UNC13C: variants seen among roughly 807,000 people sequenced by gnomAD.
UNC13C encodes unc-13 homolog C.
UNC13C carries 174 observed loss-of-function variants against 245.4 expected under a neutral mutation model. That is an observed-to-expected ratio of 0.71 (90% CI 0.63 to 0.80). UNC13C has a LOEUF of 0.80. Ranked by LOEUF, UNC13C falls within the 30% of genes least tolerant of loss-of-function variation. The probability of loss-of-function intolerance (pLI) is 0.00; values close to 1 mark genes in which losing one functional copy is unlikely to be tolerated. For missense variants in UNC13C, 2,829 were observed against 2,602.9 expected (o/e 1.09, Z -1.89); for synonymous variants, 992 against 895.1 (o/e 1.11, Z -1.93).
intron 8 of UNC13C, among the ~76,000 whole-genome samples, chr15:54,262,388 C>A (rs1293499839): frequency 6.6e-6 from 1 of 152,170 alleles, no homozygotes; most frequent in Non-Finnish European, 1.5e-5. Context: ...ACTTTTGAGT[C>A]ACTTTGTGTC....
chr15:54,441,801 TTTCTTC>T (rs1164288782), intron 19 of UNC13C, among the ~76,000 whole-genome samples: 1 of 152,118 alleles, frequency 6.6e-6, no homozygotes, highest in African/African-American at 2.4e-5. Flanking sequence ...TTTAACAATA[TTTCTTC>T]TTCTAATCCA....
At chr15:54,071,377 AG>A (rs1332202425) in intron 2 of UNC13C, among the ~76,000 whole-genome samples, 5 of 152,230 alleles carry the variant, frequency 3.3e-5, no homozygotes, top group African/African-American at 1.2e-4. Flanking sequence ...TAAAATCTGT[AG>A]AAGTAATGGG....
At chr15:54,508,624 A>C (rs537935187) in intron 23 of UNC13C, among the ~76,000 whole-genome samples, 16 of 152,172 alleles carry the variant, frequency 1.1e-4, no homozygotes, top group Non-Finnish European at 2.1e-4. Flanking sequence ...CCAGCCTTAT[A>C]CACTGTTGCT....
chr15:54,127,463 C>G (rs897503178), intron 2 of UNC13C, among the ~76,000 whole-genome samples: 2 of 151,794 alleles, frequency 1.3e-5, no homozygotes, highest in Non-Finnish European at 2.9e-5. Flanking sequence ...GAACAGAAAA[C>G]CAAACACCGC....
At chr15:53,839,427 T>C in the UNC13C span, among the ~76,000 whole-genome samples, 13 of 152,152 alleles carry the variant, frequency 8.5e-5, no homozygotes, top group Non-Finnish European at 1.6e-4. Context: ...GCATTTAAGA[T>C]AGTTTTAGAA....
chr15:54,355,959 C>CACCTTTTT lies in UNC13C; in HGVS notation c.4713+17471_4713+17478dup, dbSNP rs1301670523. Among the ~76,000 whole-genome samples the CACCTTTTT allele has an allele frequency of 2.0e-5, 3 of 152,102 alleles. No individual in the cohort carries two copies. The East Asian group carries it at 5.8e-4, about 29-fold the overall frequency. On this transcript the variant is annotated intron_variant, in intron 17 of 32. Coordinates refer to ENST00000260323, the MANE Select transcript of UNC13C (RefSeq NM_001080534.3). ...CACGTACACATACAGATATATGAAT[C>CACCTTTTT]ACCTTTTTTACACAAATAGTAGCAT... is the stretch of plus-strand genomic sequence containing the variant.
chr15:54,601,524 G>A (rs1899423957), intron 30 of UNC13C, among the ~76,000 whole-genome samples: 3 of 152,108 alleles, frequency 2.0e-5, no homozygotes. Context: ...TGGGCAAAGT[G>A]GTGTAGAAAT....
At chr15:54,623,208 C>T (rs780191945) in intron 31 of UNC13C, among the ~76,000 whole-genome samples, 23 of 151,550 alleles carry the variant, frequency 1.5e-4, no homozygotes, top group African/African-American at 3.6e-4. Context: ...TTTTTTATGA[C>T]GACTGAAATT....
chr15:53,960,667 A>C, the UNC13C span, among the ~76,000 whole-genome samples: 1 of 152,182 alleles, frequency 6.6e-6, no homozygotes, highest in African/African-American at 2.4e-5. Flanking sequence ...TAGATCCCAA[A>C]GTAGAGTGCT....
intron 2 of UNC13C, among the ~76,000 whole-genome samples, chr15:54,053,522 C>T (rs567273323): frequency 6.6e-6 from 1 of 152,212 alleles, no homozygotes; most frequent in African/African-American, 2.4e-5. Context: ...ATATTAGATA[C>T]ATATATTTAT....
At chr15:53,994,866 C>T (rs1173965699) in intron 1 of UNC13C, among the ~76,000 whole-genome samples, 1 of 151,804 alleles carries the variant, frequency 6.6e-6, no homozygotes, top group Non-Finnish European at 1.5e-5. Context: ...CAAGGGAACA[C>T]TGATGAGGGC....
At chr15:54,088,568 G>C (rs1038502976) in intron 2 of UNC13C, among the ~76,000 whole-genome samples, 1 of 152,142 alleles carries the variant, frequency 6.6e-6, no homozygotes. Flanking sequence ...TGAAATCAGA[G>C]GTTGATTACA....
chr15:54,276,295 A>G (rs2036829914), intron 10 of UNC13C, among the ~76,000 whole-genome samples: 1 of 152,130 alleles, frequency 6.6e-6, no homozygotes, highest in Non-Finnish European at 1.5e-5. Flanking sequence ...AGCTAATTGT[A>G]TTTTAGTTAT....
chr15:54,360,448 A>G (rs1207330564), intron 17 of UNC13C, among the ~76,000 whole-genome samples: 1 of 152,090 alleles, frequency 6.6e-6, no homozygotes, highest in Non-Finnish European at 1.5e-5. Flanking sequence ...CTTTAAGTCT[A>G]TTAATATAGT....
At chr15:53,935,707 C>T in the UNC13C span, among the ~76,000 whole-genome samples, 1 of 152,154 alleles carries the variant, frequency 6.6e-6, no homozygotes, top group African/African-American at 2.4e-5. Flanking sequence ...CACCTAAGAA[C>T]AGCTTGGAGC....
At chr15:54,556,526 C>T (rs1897096775) in intron 29 of UNC13C, among the ~76,000 whole-genome samples, 1 of 151,958 alleles carries the variant, frequency 6.6e-6, no homozygotes, top group African/African-American at 2.4e-5. Flanking sequence ...CTGGAGGCAC[C>T]TGGATCACAG....
chr15:53,945,419 A>G, the UNC13C span, among the ~76,000 whole-genome samples: 2 of 151,994 alleles, frequency 1.3e-5, no homozygotes, highest in Non-Finnish European at 2.9e-5. Flanking sequence ...TGATTTTTAT[A>G]TATAATATAA....
At chr15:53,890,759 T>C in the UNC13C span, among the ~76,000 whole-genome samples, 1 of 152,146 alleles carries the variant, frequency 6.6e-6, no homozygotes. Flanking sequence ...CTCTCTTTTC[T>C]TCTTTGTTAG....
the UNC13C span, among the ~76,000 whole-genome samples, chr15:53,952,989 C>T: frequency 2.6e-5 from 4 of 152,020 alleles, no homozygotes; most frequent in Non-Finnish European, 4.4e-5. Flanking sequence ...GTGAAGTGTA[C>T]AGAGTGAAAT....
Sources: gnomAD v4.1 joint callset for allele counts (sites outside exome capture counted in the v4.1 genomes callset) on GRCh38, gnomAD v4.1.1 for gene constraint, MANE v1.5 for transcripts, NCBI Gene and HGNC (gene_info 2026-07-23, HGNC 2026-07-21) for gene names.